Variants in KAZN observed in about 807,000 individuals in gnomAD.
KAZN encodes the protein kazrin.
A neutral mutation model predicts 87.4 loss-of-function variants in KAZN; 40 were observed. That is an observed-to-expected ratio of 0.46 (90% confidence interval 0.36 to 0.60). The LOEUF is 0.60. KAZN is among the 20% of genes least tolerant of loss of function. The probability of loss-of-function intolerance (pLI) is 0.00; values close to 1 mark genes in which losing one functional copy is unlikely to be tolerated. For synonymous variants in KAZN, 466 were observed against 458.3 expected, an observed-to-expected ratio of 1.02 and a Z score of -0.22; for missense variants, 898 against 1,073.9, an observed-to-expected ratio of 0.84 and a Z score of 2.29.
At chr1:14,828,018 G>T (rs1344281154) in intron 1 of KAZN, among the ~76,000 whole-genome samples, 1 of 152,196 alleles carries the variant, frequency 6.6e-6, no homozygotes, top group Non-Finnish European at 1.5e-5. Flanking sequence ...CAATGCTTAA[G>T]CCAGAGATGA....
intron 2 of KAZN, among the ~76,000 whole-genome samples, chr1:14,324,223 T>C (rs1656245658): frequency 6.6e-6 from 1 of 152,200 alleles, no homozygotes; most frequent in Non-Finnish European, 1.5e-5. Context: ...GTTTCCTCTC[T>C]GGTCACTGCT....
At chr1:14,909,188 A>G (rs948704543) in intron 1 of KAZN, among the ~76,000 whole-genome samples, 2 of 152,178 alleles carry the variant, frequency 1.3e-5, no homozygotes, top group African/African-American at 4.8e-5. Context: ...AATATATCCC[A>G]TAGGGTTTGG....
At chr1:13,964,059 T>C (rs776328808) in intron 1 of KAZN, among the ~76,000 whole-genome samples, 10 of 152,124 alleles carry the variant, frequency 6.6e-5, no homozygotes, top group East Asian at 1.9e-4. Context: ...GCTCAAATAG[T>C]GGTGGTAGGG....
intron 1 of KAZN, among the ~76,000 whole-genome samples, chr1:13,961,162 A>G (rs1323545294): frequency 6.6e-6 from 1 of 152,014 alleles, no homozygotes; most frequent in Non-Finnish European, 1.5e-5. Context: ...ATGTAGTGTA[A>G]TGATTTCATT....
At chr1:14,731,951 C>T (rs968425633) in intron 1 of KAZN, among the ~76,000 whole-genome samples, 8 of 152,238 alleles carry the variant, frequency 5.3e-5, no homozygotes, top group African/African-American at 1.9e-4. Context: ...AAGCGACAGA[C>T]TTGCTGGCCA....
At chr1:14,321,596 A>C (rs1459314459) in intron 2 of KAZN, among the ~76,000 whole-genome samples, 1 of 152,192 alleles carries the variant, frequency 6.6e-6, no homozygotes, top group Admixed American at 6.5e-5. Context: ...CCAGCTGTGC[A>C]GTCAGTTATT....
chr1:15,055,697 A>G (rs182995472), intron 4 of KAZN, among the ~76,000 whole-genome samples: 3 of 152,194 alleles, frequency 2.0e-5, no homozygotes, highest in Non-Finnish European at 2.9e-5. Flanking sequence ...CCACTATATA[A>G]GATGGGGAGA....
chr1:14,194,090 C>A (rs1646477446), intron 2 of KAZN, among the ~76,000 whole-genome samples: 1 of 152,134 alleles, frequency 6.6e-6, no homozygotes, highest in Non-Finnish European at 1.5e-5. Flanking sequence ...TGTCTTCCCT[C>A]ATCTGGGAAG....
intron 2 of KAZN, among the ~76,000 whole-genome samples, chr1:14,263,319 T>C (rs924098637): frequency 6.6e-6 from 1 of 152,168 alleles, no homozygotes; most frequent in Non-Finnish European, 1.5e-5. Flanking sequence ...CGAAAGATGA[T>C]CTGGGTTTAA....
intron 2 of KAZN, among the ~76,000 whole-genome samples, chr1:14,389,147 T>C (rs892376770): frequency 2.0e-5 from 3 of 152,138 alleles, no homozygotes; most frequent in Non-Finnish European, 4.4e-5. Context: ...AAAACTACAA[T>C]GAGGTATCAT....
At chr1:14,076,776 C>G (rs1643475904) in intron 1 of KAZN, among the ~76,000 whole-genome samples, 1 of 152,162 alleles carries the variant, frequency 6.6e-6, no homozygotes, top group Non-Finnish European at 1.5e-5. Flanking sequence ...ATTATCTGAC[C>G]TTTTCTATAA....
At chr1:14,451,584 AAG>A (rs5772582) in intron 2 of KAZN, among the ~76,000 whole-genome samples, 93 of 148,314 alleles carry the variant, frequency 6.3e-4, no homozygotes, top group Non-Finnish European at 7.0e-4. Context: ...CAGTTTCAGA[AAG>A]AGAGAGAGAG....
intron 2 of KAZN, among the ~76,000 whole-genome samples, chr1:14,552,393 C>T (rs1307770413): frequency 1.3e-5 from 2 of 152,216 alleles, no homozygotes; most frequent in African/African-American, 4.8e-5. Context: ...CAGCTGCCTC[C>T]CAGGCCCAGA....
At chr1:14,086,716 G>T (rs921928731) in intron 1 of KAZN, among the ~76,000 whole-genome samples, 12 of 152,090 alleles carry the variant, frequency 7.9e-5, no homozygotes, top group African/African-American at 2.9e-4. Context: ...TTAGGTCTAT[G>T]ATCCATTTGG....
intron 1 of KAZN, among the ~76,000 whole-genome samples, chr1:14,774,467 G>GC (rs1645116511): frequency 7.1e-5 from 10 of 141,154 alleles, no homozygotes; most frequent in African/African-American, 2.8e-4. Context: ...TTCTTGAACA[G>GC]ATTTTTTTTT....
chr1:14,688,503 C>T (rs1409257875), intron 1 of KAZN, among the ~76,000 whole-genome samples: 2 of 152,212 alleles, frequency 1.3e-5, no homozygotes, highest in Non-Finnish European at 2.9e-5. Context: ...GAGACCTCTG[C>T]CCTCAAGCAT....
chr1:14,102,764 A>G (rs1199196517), intron 1 of KAZN, among the ~76,000 whole-genome samples: 2 of 152,112 alleles, frequency 1.3e-5, no homozygotes, highest in Non-Finnish European at 2.9e-5. Flanking sequence ...CCCACCATGC[A>G]TTAAACAACA....
chr1:14,975,566 A>G (rs1665508450), intron 2 of KAZN, among the ~76,000 whole-genome samples: 2 of 152,184 alleles, frequency 1.3e-5, no homozygotes, highest in African/African-American at 4.8e-5. Context: ...GATTTAAGGT[A>G]TATATAATTA....
Position 14,420,180 on chromosome 1 carries a change from G to A in KAZN, c.250-178803G>A, listed in dbSNP as rs547566645. On this transcript the variant is annotated intron_variant, in intron 2 of 16. Coordinates refer to the KAZN transcript ENST00000636203. ...CCACTAGAGAGGCTAGACACAGAGCGCTGATTGGTGCGTTTACAAACCTTG... is the reference window on the plus strand; with the variant it reads ...CCACTAGAGAGGCTAGACACAGAGCACTGATTGGTGCGTTTACAAACCTTG... 1.0e-3 allele frequency among the ~76,000 whole-genome samples: 156 copies of A among 152,274 alleles called. 1 individual carries two copies. The highest frequency in any genetic ancestry group is 3.6e-3 in the African/African-American group (148 of 41,562).
Sources: allele counts gnomAD v4.1 joint callset (sites outside exome capture counted in the v4.1 genomes callset), GRCh38; gene constraint gnomAD v4.1.1; transcripts MANE v1.5; gene names NCBI Gene and HGNC (gene_info 2026-07-23, HGNC 2026-07-21).